Variants in ST7L observed in about 807,000 individuals in gnomAD.
ST7L encodes the protein suppressor of tumorigenicity 7 protein-like.
Under a neutral mutation model 72.5 loss-of-function variants are expected in ST7L, and 57 were observed. The ratio of observed to expected loss-of-function variants is 0.79; its 90% CI spans 0.64 to 0.98. The LOEUF is 0.98. ST7L is among the 50% of genes least tolerant of loss of function. The pLI is 0.00. For missense variants in ST7L, 576 were observed against 672.2 expected (o/e 0.86, Z 1.58); for synonymous variants, 221 against 240.9 (o/e 0.92, Z 0.77).
At chr1:112,550,997 G>A (rs1299586312) in intron 12 of ST7L, among the ~76,000 whole-genome samples, 1 of 152,026 alleles carries the variant, frequency 6.6e-6, no homozygotes, top group Non-Finnish European at 1.5e-5. Context: ...AAGCAGAATT[G>A]ATAATTCTGC....
chr1:112,617,398 T>A (rs1211260835), intron 1 of ST7L: 1 of 153,766 alleles, frequency 6.5e-6, no homozygotes, highest in Non-Finnish European at 1.4e-5. Flanking sequence ...ATCTCATAAG[T>A]ACTGTGGGTT....
intron 11 of ST7L, among the ~76,000 whole-genome samples, chr1:112,575,752 C>G (rs775760287): frequency 6.6e-6 from 1 of 152,190 alleles, no homozygotes; most frequent in Non-Finnish European, 1.5e-5. Flanking sequence ...ACTGTGGTAA[C>G]TGAAACCATG....
rs553065646 is a variant in ST7L at position 112,594,658 on chromosome 1, A to T, written c.623-3055T>A. On this transcript the variant is annotated intron_variant, in intron 5 of 14. Transcript: ENST00000358039. ...AGCTATCTTTCTATCTTAGAATCTG[A>T]ATTCAGAAGACAGATGGTTGTCATG... 7.9e-5 allele frequency among the ~76,000 whole-genome samples: 12 copies of T among 152,314 alleles called. No homozygotes were observed. In the East Asian group the frequency reaches 2.3e-3, roughly 29 times the overall value.
At chr1:112,552,378 A>C (rs1374705065) in intron 12 of ST7L, among the ~76,000 whole-genome samples, 2 of 152,118 alleles carry the variant, frequency 1.3e-5, no homozygotes, top group African/African-American at 4.8e-5. Flanking sequence ...TTGGCTCTAT[A>C]AACTTTTGTC....
At chr1:112,535,541 G>A (rs1223344772) in intron 14 of ST7L, among the ~76,000 whole-genome samples, 1 of 151,780 alleles carries the variant, frequency 6.6e-6, no homozygotes, top group Non-Finnish European at 1.5e-5. Flanking sequence ...ACCAGCCTGG[G>A]CAACAAAGTG....
At chr1:112,566,713 C>T (rs968743087) in intron 11 of ST7L, among the ~76,000 whole-genome samples, 7 of 152,072 alleles carry the variant, frequency 4.6e-5, no homozygotes, top group African/African-American at 1.7e-4. Flanking sequence ...CACTTTTTGC[C>T]TTTTCTTGAA....
intron 4 of ST7L, among the ~76,000 whole-genome samples, chr1:112,599,989 G>A (rs1283215392): frequency 6.6e-6 from 1 of 152,150 alleles, no homozygotes; most frequent in Non-Finnish European, 1.5e-5. Flanking sequence ...AGTATTACTT[G>A]GGCCCAGAAG....
chr1:112,575,974 G>C (rs1663033950), intron 11 of ST7L, among the ~76,000 whole-genome samples: 1 of 152,106 alleles, frequency 6.6e-6, no homozygotes, highest in Non-Finnish European at 1.5e-5. Flanking sequence ...TAGCTCTTTA[G>C]CTTCCAAGCT....
intron 11 of ST7L, among the ~76,000 whole-genome samples, chr1:112,566,201 T>C (rs1660991097): frequency 6.6e-6 from 1 of 151,944 alleles, no homozygotes; most frequent in Non-Finnish European, 1.5e-5. Context: ...TTTAAATACA[T>C]AGATCCTAAA....
chr1:112,608,693 T>A (rs190420932), intron 3 of ST7L, among the ~76,000 whole-genome samples: 349 of 152,298 alleles, frequency 2.3e-3, no homozygotes, highest in African/African-American at 7.7e-3. Flanking sequence ...CATCTTAATA[T>A]GCCTTACTCT....
At chr1:112,571,256 A>T (rs760396170) in intron 11 of ST7L, 1 of 451,890 alleles carries the variant, frequency 2.2e-6, no homozygotes, top group South Asian at 1.6e-5. Flanking sequence ...CAATAATATA[A>T]GTTTATAGCA....
chr1:112,522,871 A>G (rs535498843), downstream of ST7L: 4 of 152,384 alleles, frequency 2.6e-5, no homozygotes, highest in East Asian at 1.9e-4. Flanking sequence ...TGATGAGCCA[A>G]TGGTGGGATT....
chr1:112,598,076 C>A lies in ST7L; in HGVS notation c.517G>T (p.Val173Leu), dbSNP rs755100990. Residue 173 changes from valine (V) to leucine (L), a missense_variant, in exon 5 of 15, where the codon GTG becomes TTG. Val to Leu is a conservative substitution (Grantham distance 32, BLOSUM62 1). Transcript: ENST00000358039. ...TATGTAAGTGGCTCTTTACCAGTCA[C>A]CCAAGTGTATCTTTACCAAAACACA... ...RGAEYRRYTW[V>L]TGKEPLTYYD... The A allele has an allele frequency of 6.2e-7, 1 of 1,611,286 alleles. No homozygotes were observed. Among genetic ancestry groups the A allele is most frequent in the African/African-American group, 1.3e-5 (1 of 74,758 alleles).
At chr1:112,545,492 T>C (rs959442197) in intron 13 of ST7L, among the ~76,000 whole-genome samples, 11 of 152,206 alleles carry the variant, frequency 7.2e-5, no homozygotes, top group Non-Finnish European at 1.6e-4. Context: ...TTGCCTTAAA[T>C]ATATTTGTTC....
intron 11 of ST7L, among the ~76,000 whole-genome samples, chr1:112,573,827 G>A (rs1662570792): frequency 6.6e-6 from 1 of 151,802 alleles, no homozygotes; most frequent in African/African-American, 2.4e-5. Flanking sequence ...CCAGGAGGTG[G>A]AGGTTGCAGT....
rs187615219 is a variant in ST7L at position 112,560,061 on chromosome 1, C to T, written c.1246-4043G>A. Among the ~76,000 whole-genome samples the T allele has an allele frequency of 5.3e-5, 8 of 152,188 alleles. No homozygotes were observed. The East Asian group carries it at 1.4e-3, about 26-fold the overall frequency. On this transcript the variant is annotated intron_variant, in intron 11 of 14. Coordinates refer to ENST00000358039, the MANE Select transcript of ST7L (RefSeq NM_017744.5). ...TTATCGATTATTATTGGTGGTCCTA[C>T]CCACCAGCAAATATCCTTTCCAATT...
intron 11 of ST7L, among the ~76,000 whole-genome samples, chr1:112,574,105 CAG>C (rs1375660197): frequency 2.7e-5 from 4 of 149,496 alleles, no homozygotes; most frequent in Non-Finnish European, 5.9e-5. Flanking sequence ...TTAGTAGAGA[CAG>C]GGTTTCACCA....
intron 3 of ST7L, among the ~76,000 whole-genome samples, chr1:112,608,440 T>C (rs1185121795): frequency 6.6e-6 from 1 of 152,150 alleles, no homozygotes; most frequent in African/African-American, 2.4e-5. Context: ...TAAGACACCA[T>C]GTATCTTTAT....
intron 2 of ST7L, among the ~76,000 whole-genome samples, chr1:112,614,560 T>C (rs1669565494): frequency 6.6e-6 from 1 of 152,220 alleles, no homozygotes; most frequent in Non-Finnish European, 1.5e-5. Context: ...CATTTCACTT[T>C]AACAAAATGG....
Sources: gnomAD v4.1 joint callset for allele counts (sites outside exome capture counted in the v4.1 genomes callset) on GRCh38, gnomAD v4.1.1 for gene constraint, MANE v1.5 for transcripts, NCBI Gene and HGNC (gene_info 2026-07-23, HGNC 2026-07-21) for gene names.